NWD2: variants seen among roughly 807,000 people sequenced by gnomAD.
The protein encoded by NWD2 is NACHT and WD repeat domain-containing protein 2.
NWD2 carries 37 observed loss-of-function variants against 132.7 expected under a neutral mutation model. The observed-to-expected ratio is 0.28, with a 90% CI of 0.21 to 0.37. The LOEUF is 0.37. NWD2 is among the 10% of genes least tolerant of loss of function. The probability of loss-of-function intolerance (pLI) is 1.00; values close to 1 mark genes in which losing one functional copy is unlikely to be tolerated. For synonymous variants in NWD2, 705 were observed against 803.0 expected (o/e 0.88, Z 2.06); for missense variants, 1,592 against 2,122.4 (o/e 0.75, Z 4.91).
intron 1 of NWD2, among the ~76,000 whole-genome samples, chr4:37,296,336 AACAC>A (rs1473665811): frequency 6.6e-6 from 1 of 152,152 alleles, no homozygotes; most frequent in Non-Finnish European, 1.5e-5. Flanking sequence ...TTTAAACAGA[AACAC>A]ACATAAACAA....
intron 1 of NWD2, among the ~76,000 whole-genome samples, chr4:37,256,908 G>A (rs1717531737): frequency 6.6e-6 from 1 of 152,118 alleles, no homozygotes; most frequent in African/African-American, 2.4e-5. Context: ...CTAGAAATTT[G>A]GGGCTCTCTT....
rs554354982 is a variant in NWD2 at position 37,430,782 on chromosome 4, T to C, written c.561+7T>C. ...GAGAAGCAATAGAAATGCAGTAAGC[T>C]GCCTTTCCCTCAAGCCTATGGATCT... On this transcript the variant is annotated splice_region_variant and intron_variant, in intron 4 of 6. Transcript: ENST00000309447. The C allele has an allele frequency of 8.4e-6, 13 of 1,550,082 alleles. No individual in the cohort carries two copies. In the East Asian group the frequency reaches 2.7e-4, roughly 32 times the overall value.
At chr4:37,386,670 T>C (rs1205327609) in intron 3 of NWD2, among the ~76,000 whole-genome samples, 9 of 152,174 alleles carry the variant, frequency 5.9e-5, no homozygotes, top group Admixed American at 5.9e-4. Flanking sequence ...AACCTGCTTT[T>C]TCCCTACTTA....
rs1712142237 is a variant in NWD2, at chr4:37,430,604, A to G, written c.390A>G (p.Arg130=). ...TAGGTGAAAAATATGGGAATATCCG[A>G]ATCCCTGGAGAAGTTGAAGCCTCAG... The part of the protein sequence containing the change: ...GLLGEKYGNI[R]IPGEVEASEF... The change falls in exon 4 of 7, where the codon CGA becomes CGG. Residue 130 remains arginine, a synonymous_variant. Transcript: ENST00000309447. 1 of 1,551,652 alleles carries G rather than the reference A, an allele frequency of 6.4e-7. No homozygotes were observed. The highest frequency in any genetic ancestry group is 8.7e-7 in the Non-Finnish European group (1 of 1,146,912).
intron 3 of NWD2, among the ~76,000 whole-genome samples, chr4:37,418,409 G>A (rs1711690289): frequency 6.6e-6 from 1 of 152,032 alleles, no homozygotes; most frequent in African/African-American, 2.4e-5. Flanking sequence ...TCCTCTAAAA[G>A]AGGGGGGCAT....
chr4:37,380,277 A>G (rs1381500132), intron 3 of NWD2, among the ~76,000 whole-genome samples: 2 of 152,244 alleles, frequency 1.3e-5, no homozygotes, highest in East Asian at 1.9e-4. Flanking sequence ...GATTGGGGAA[A>G]TTACATGAGA....
chr4:37,351,673 T>G (rs1284397652), intron 2 of NWD2, among the ~76,000 whole-genome samples: 2 of 152,206 alleles, frequency 1.3e-5, no homozygotes, highest in African/African-American at 4.8e-5. Context: ...TGTCTCTATC[T>G]CCTTCAGTTC....
intron 1 of NWD2, among the ~76,000 whole-genome samples, chr4:37,294,897 A>T (rs1718444315): frequency 6.6e-6 from 1 of 152,192 alleles, no homozygotes; most frequent in Admixed American, 6.5e-5. Flanking sequence ...TGTGGTCTGC[A>T]CCCTTCTCCA....
At chr4:37,307,295 ATGTATTTCT>A (rs1718729635) in intron 1 of NWD2, among the ~76,000 whole-genome samples, 1 of 152,114 alleles carries the variant, frequency 6.6e-6, no homozygotes, top group Non-Finnish European at 1.5e-5. Context: ...CAGGACTCTC[ATGTATTTCT>A]TGTCGTGTAG....
rs570745558 is a variant in NWD2, at chr4:37,275,165, G to C, written c.151+29947G>C. On this transcript the variant is annotated intron_variant, in intron 1 of 6. Transcript: ENST00000309447. ...GTCCCTGTTTGTAAATGGCATGATT[G>C]TATATCTAGAAAACCCCATCGTCTT... 2.0e-5 allele frequency among the ~76,000 whole-genome samples: 3 copies of C among 152,304 alleles called. No individual in the cohort carries two copies. The South Asian group carries it at 6.2e-4, about 32-fold the overall frequency.
chr4:37,309,373 C>T (rs1049547156), intron 1 of NWD2, among the ~76,000 whole-genome samples: 1 of 152,082 alleles, frequency 6.6e-6, no homozygotes, highest in African/African-American at 2.4e-5. Flanking sequence ...TCACCTGTTC[C>T]CTTGGGTACA....
intron 1 of NWD2, among the ~76,000 whole-genome samples, chr4:37,256,569 C>A (rs1325172897): frequency 6.6e-6 from 1 of 152,068 alleles, no homozygotes; most frequent in Non-Finnish European, 1.5e-5. Context: ...ACTGAAGGCA[C>A]TGTGTGATAA....
intron 2 of NWD2, among the ~76,000 whole-genome samples, chr4:37,334,053 A>C (rs1352878314): frequency 1.3e-5 from 2 of 152,108 alleles, no homozygotes; most frequent in African/African-American, 4.8e-5. Context: ...AAGCATGCCT[A>C]CGAGAGCTAG....
At chr4:37,441,103 A>T (rs1712472018) in intron 6 of NWD2, among the ~76,000 whole-genome samples, 1 of 152,230 alleles carries the variant, frequency 6.6e-6, no homozygotes, top group Non-Finnish European at 1.5e-5. Flanking sequence ...TGAAAAGTCC[A>T]TAGGAAGTCT....
chr4:37,421,374 T>TA (rs752339352), intron 3 of NWD2, among the ~76,000 whole-genome samples: 8 of 152,208 alleles, frequency 5.3e-5, no homozygotes, highest in Non-Finnish European at 8.8e-5. Flanking sequence ...CTTTCACCCT[T>TA]ATGGCTGTTC....
At chr4:37,275,416 G>C (rs1180444033) in intron 1 of NWD2, among the ~76,000 whole-genome samples, 1 of 152,044 alleles carries the variant, frequency 6.6e-6, no homozygotes, top group Non-Finnish European at 1.5e-5. Context: ...ACTGCTCAAT[G>C]AAATAAAAGA....
chr4:37,293,983 G>A (rs1040380602), intron 1 of NWD2, among the ~76,000 whole-genome samples: 4 of 152,090 alleles, frequency 2.6e-5, no homozygotes, highest in African/African-American at 4.8e-5. Flanking sequence ...TAATTAAAGC[G>A]TTATAGGTAA....
At chr4:37,262,925 C>T (rs2109259954) in intron 1 of NWD2, among the ~76,000 whole-genome samples, 1 of 152,240 alleles carries the variant, frequency 6.6e-6, no homozygotes, top group South Asian at 2.1e-4. Flanking sequence ...CCTACCAAAG[C>T]TCCTAGAAAA....
intron 1 of NWD2, among the ~76,000 whole-genome samples, chr4:37,269,967 T>A (rs147645538): frequency 8.0e-4 from 121 of 151,944 alleles, no homozygotes; most frequent in African/African-American, 2.8e-3. Flanking sequence ...ATCAGCAATA[T>A]ATGTGAGATT....
Sources: allele counts gnomAD v4.1 joint callset (sites outside exome capture counted in the v4.1 genomes callset), GRCh38; gene constraint gnomAD v4.1.1; transcripts MANE v1.5; gene names NCBI Gene and HGNC (gene_info 2026-07-23, HGNC 2026-07-21).